GRID1: variants seen among roughly 807,000 people sequenced by gnomAD.
The protein encoded by GRID1 is glutamate ionotropic receptor delta type subunit 1.
A neutral mutation model predicts 98.0 loss-of-function variants in GRID1; 28 were observed. The observed-to-expected ratio is 0.29, with a 90% CI of 0.21 to 0.39. GRID1 has a LOEUF of 0.39. Among genes scored for constraint, GRID1 ranks in the 10% least tolerant of loss-of-function variants. GRID1 has a pLI of 1.00. For missense variants in GRID1, 1,111 were observed against 1,340.5 expected, an observed-to-expected ratio of 0.83 and a Z score of 2.67; for synonymous variants, 553 against 538.5, an observed-to-expected ratio of 1.03 and a Z score of -0.37.
At chr10:85,879,018 C>G (rs1470838875) in intron 5 of GRID1, among the ~76,000 whole-genome samples, 1 of 151,296 alleles carries the variant, frequency 6.6e-6, no homozygotes, top group Non-Finnish European at 1.5e-5. Context: ...TCAAAAGAGA[C>G]AAAGAAGGCC....
chr10:85,928,315 A>G (rs1444419292), intron 4 of GRID1, among the ~76,000 whole-genome samples: 2 of 152,234 alleles, frequency 1.3e-5, no homozygotes, highest in Admixed American at 6.5e-5. Context: ...ATAAATACAT[A>G]AAGTTTGGGA....
chr10:85,822,959 G>A (rs1842786542), intron 8 of GRID1, among the ~76,000 whole-genome samples: 1 of 152,144 alleles, frequency 6.6e-6, no homozygotes, highest in Non-Finnish European at 1.5e-5. Context: ...AACACCATAT[G>A]TTCTCACTCA....
chr10:85,815,377 T>C (rs989130361), intron 8 of GRID1, among the ~76,000 whole-genome samples: 1 of 151,996 alleles, frequency 6.6e-6, no homozygotes, highest in African/African-American at 2.4e-5. Flanking sequence ...CACCATCATA[T>C]TGGAAGGCAT....
intron 12 of GRID1, among the ~76,000 whole-genome samples, chr10:85,655,945 T>C (rs1240689878): frequency 2.6e-5 from 4 of 152,152 alleles, no homozygotes; most frequent in African/African-American, 7.2e-5. Context: ...CTGCAGATCA[T>C]TTCCATTGGC....
chr10:86,295,081 C>T (rs1020234576), intron 2 of GRID1, among the ~76,000 whole-genome samples: 2 of 152,124 alleles, frequency 1.3e-5, no homozygotes, highest in African/African-American at 2.4e-5. Context: ...GACCACAGTG[C>T]GCACAGGAGC....
At chr10:86,067,996 C>T (rs1843744500) in intron 4 of GRID1, among the ~76,000 whole-genome samples, 1 of 152,216 alleles carries the variant, frequency 6.6e-6, no homozygotes, top group Non-Finnish European at 1.5e-5. Context: ...CAGACTTAAG[C>T]AGGGAGAAAA....
intron 2 of GRID1, among the ~76,000 whole-genome samples, chr10:86,339,677 G>C (rs1389847400): frequency 6.6e-6 from 1 of 152,216 alleles, no homozygotes; most frequent in Non-Finnish European, 1.5e-5. Context: ...CGAGCAGAGT[G>C]GGGAGGCTGG....
intron 4 of GRID1, among the ~76,000 whole-genome samples, chr10:86,007,112 A>G (rs1261018395): frequency 1.3e-5 from 2 of 152,228 alleles, no homozygotes; most frequent in Non-Finnish European, 2.9e-5. Flanking sequence ...TTAAATAGGT[A>G]CAGAAGAGCT....
intron 5 of GRID1, among the ~76,000 whole-genome samples, chr10:85,901,089 A>T (rs73344642): frequency 6.6e-6 from 1 of 152,188 alleles, no homozygotes; most frequent in African/African-American, 2.4e-5. Context: ...ATTCATAACA[A>T]GTAACAAGAG....
intron 8 of GRID1, among the ~76,000 whole-genome samples, chr10:85,775,799 G>A (rs535784610): frequency 1.3e-5 from 2 of 152,236 alleles, no homozygotes; most frequent in South Asian, 2.1e-4. Flanking sequence ...CTGTATATGA[G>A]AAAATAACAA....
intron 8 of GRID1, among the ~76,000 whole-genome samples, chr10:85,847,856 T>G (rs1161440580): frequency 6.6e-6 from 1 of 152,196 alleles, no homozygotes; most frequent in East Asian, 1.9e-4. Context: ...ACCACATATA[T>G]TTTTTAATGT....
Position 86,103,861 on chromosome 10 carries a change from A to G in GRID1, c.726+34958T>C, listed in dbSNP as rs138722565. 4.5e-3 allele frequency among the ~76,000 whole-genome samples: 682 copies of G among 152,292 alleles called. 8 individuals are homozygous for G. Among genetic ancestry groups the G allele is most frequent in the Middle Eastern group, 0.027 (8 of 294 alleles). The stretch of plus-strand genomic sequence containing the variant: ...ACCACTGTTGGGCTGAACCCTGCAC[A>G]TGGGGCAATCAATCAGTCATCCAGT... On this transcript the variant is annotated intron_variant, in intron 4 of 15. Transcript: ENST00000327946.
At chr10:85,946,298 T>C (rs1842052747) in intron 4 of GRID1, among the ~76,000 whole-genome samples, 1 of 152,214 alleles carries the variant, frequency 6.6e-6, no homozygotes, top group African/African-American at 2.4e-5. Context: ...GCAGATTAAA[T>C]AGGTTGTGCT....
intron 15 of GRID1, among the ~76,000 whole-genome samples, chr10:85,612,156 G>T (rs992112981): frequency 6.6e-6 from 1 of 152,166 alleles, no homozygotes; most frequent in Non-Finnish European, 1.5e-5. Flanking sequence ...AGGAGCGAGG[G>T]ACGCCCACCC....
intron 4 of GRID1, among the ~76,000 whole-genome samples, chr10:86,133,633 C>G (rs1000028436): frequency 6.6e-6 from 1 of 152,226 alleles, no homozygotes; most frequent in Non-Finnish European, 1.5e-5. Context: ...TACACACACA[C>G]AAAAACAGCT....
chr10:85,918,449 A>C (rs1179747039), intron 4 of GRID1, among the ~76,000 whole-genome samples: 1 of 152,170 alleles, frequency 6.6e-6, no homozygotes, highest in East Asian at 1.9e-4. Context: ...GCTCTAGCTC[A>C]ACTCATGGAA....
In GRID1 at chr10:85,679,968, G is replaced by A. The variant is rs530333800; in HGVS notation, c.1998-32571C>T. Among the ~76,000 whole-genome samples the A allele has an allele frequency of 1.2e-4, 19 of 152,306 alleles. No individual in the cohort carries two copies. The South Asian group carries it at 3.9e-3, about 32-fold the overall frequency. ...CAGTGAGTGCAGGCAGTCACGGAAAGAGTCCTGAGGCCGTGGGCAGGGCAT... is the reference window on the plus strand; with the variant it reads ...CAGTGAGTGCAGGCAGTCACGGAAAAAGTCCTGAGGCCGTGGGCAGGGCAT... On this transcript the variant is annotated intron_variant, in intron 12 of 15. Transcript: ENST00000327946.
rs139409567 is a variant in GRID1 at position 85,671,711 on chromosome 10, T to C, written c.1998-24314A>G. ...GATTACACTTAGTGAGGAAGGGATG[T>C]TGAAAGCCAAGAGAGGCCTCTTAGC... On this transcript the variant is annotated intron_variant, in intron 12 of 15. Transcript: ENST00000327946. Among the ~76,000 whole-genome samples, 768 of 152,326 alleles carry C rather than the reference T, an allele frequency of 5.0e-3. 5 individuals carry two copies. The highest frequency in any genetic ancestry group is 0.017 in the African/African-American group (725 of 41,570).
chr10:85,883,882 C>A (rs540369622), intron 5 of GRID1, among the ~76,000 whole-genome samples: 2 of 152,308 alleles, frequency 1.3e-5, no homozygotes, highest in African/African-American at 4.8e-5. Context: ...TCCTTGCCAT[C>A]TCCTTCTGCA....
Sources: allele counts gnomAD v4.1 joint callset (sites outside exome capture counted in the v4.1 genomes callset), GRCh38; gene constraint gnomAD v4.1.1; transcripts MANE v1.5; gene names NCBI Gene and HGNC (gene_info 2026-07-23, HGNC 2026-07-21).